Variants in PUS10 observed in about 807,000 individuals in gnomAD.
PUS10 encodes tRNA pseudouridine synthase Pus10.
In PUS10, 59 loss-of-function variants were observed where a neutral mutation model predicts 75.0. That is an observed-to-expected ratio of 0.79 (90% CI 0.64 to 0.98). PUS10 has a LOEUF of 0.98. Ranked by LOEUF, PUS10 falls within the 50% of genes least tolerant of loss-of-function variation. PUS10 has a pLI of 0.00. For synonymous variants in PUS10, 219 were observed against 211.6 expected, an observed-to-expected ratio of 1.03 and a Z score of -0.30; for missense variants, 650 against 614.4, an observed-to-expected ratio of 1.06 and a Z score of -0.61.
At chr2:60,957,005 G>GA (rs1022672706) in intron 11 of PUS10, among the ~76,000 whole-genome samples, 1 of 109,976 alleles carries the variant, frequency 9.1e-6, no homozygotes, top group East Asian at 2.6e-4. Flanking sequence ...AAAAAAGAAA[G>GA]AAAAAAAAAG....
At chr2:61,012,272 T>C (rs538136216) in intron 1 of PUS10, among the ~76,000 whole-genome samples, 120 of 152,300 alleles carry the variant, frequency 7.9e-4, no homozygotes, top group African/African-American at 2.8e-3. Flanking sequence ...CATTCAGTAT[T>C]GTACAAAGTT....
chr2:60,947,825 C>CAT, intron 16 of PUS10, among the ~76,000 whole-genome samples: 1 of 125,770 alleles, frequency 8.0e-6, no homozygotes, highest in Non-Finnish European at 1.6e-5. Context: ...CGAGACTCTG[C>CAT]CTCAAAAAAA....
chr2:60,970,575 A>G (rs1265652233), intron 5 of PUS10, among the ~76,000 whole-genome samples: 1 of 152,216 alleles, frequency 6.6e-6, no homozygotes, highest in Non-Finnish European at 1.5e-5. Flanking sequence ...GACTTTATCA[A>G]ACTTACTATG....
At chr2:60,978,520 G>A (rs1677185936) in intron 4 of PUS10, among the ~76,000 whole-genome samples, 1 of 152,080 alleles carries the variant, frequency 6.6e-6, no homozygotes, top group Admixed American at 6.6e-5. Context: ...AGAGAGCACT[G>A]GGAAGGTTCT....
chr2:60,944,742 G>A (rs11125859), intron 17 of PUS10, among the ~76,000 whole-genome samples: 2 of 151,850 alleles, frequency 1.3e-5, no homozygotes, highest in Admixed American at 6.6e-5. Flanking sequence ...GACTATTTCC[G>A]TGCTTGGTTT....
chr2:60,964,743 T>A (rs1264827681), intron 8 of PUS10, among the ~76,000 whole-genome samples: 1 of 152,154 alleles, frequency 6.6e-6, no homozygotes, highest in Non-Finnish European at 1.5e-5. Flanking sequence ...ATTTGAGGGA[T>A]TAAAATCTAA....
intron 4 of PUS10, among the ~76,000 whole-genome samples, chr2:60,997,376 C>T (rs529122613): frequency 4.0e-4 from 61 of 152,116 alleles, no homozygotes; most frequent in East Asian, 2.1e-3. Flanking sequence ...TTTGAGAGGC[C>T]GAGGTGGGTG....
At chr2:61,010,413 C>G (rs527786105) in intron 2 of PUS10, 7 of 185,326 alleles carry the variant, frequency 3.8e-5, no homozygotes, top group Non-Finnish European at 8.1e-5. Flanking sequence ...CCGCACCCCC[C>G]ACCCCTGGGT....
chr2:60,975,744 C>T (rs1042865883), intron 4 of PUS10, among the ~76,000 whole-genome samples: 1 of 150,466 alleles, frequency 6.6e-6, no homozygotes, highest in Admixed American at 6.6e-5. Flanking sequence ...CTTCCTTCAG[C>T]CTCATTCTTT....
At chr2:61,003,692 G>A (rs1202495123) in intron 4 of PUS10, among the ~76,000 whole-genome samples, 1 of 151,000 alleles carries the variant, frequency 6.6e-6, no homozygotes, top group Non-Finnish European at 1.5e-5. Context: ...CTACAGATAC[G>A]CATCACCACA....
intron 2 of PUS10, chr2:61,011,028 A>T (rs1679563814): frequency 4.1e-6 from 5 of 1,208,020 alleles, no homozygotes; most frequent in Admixed American, 2.6e-5. Flanking sequence ...ATAACATTTT[A>T]AAAATAACTG....
intron 11 of PUS10, among the ~76,000 whole-genome samples, chr2:60,957,633 C>T (rs1459382191): frequency 6.6e-6 from 1 of 152,258 alleles, no homozygotes; most frequent in Non-Finnish European, 1.5e-5. Flanking sequence ...AGATGGCGGG[C>T]ATCCCTAGGC....
Position 60,991,683 on chromosome 2 carries a change from A to C in PUS10, c.468+14874T>G, listed in dbSNP as rs190950699. ...TAATTAGTACTTTTAAGAGTAAAGGAAAAACTGTAAATGCATAACTTCTAA... is the reference window on the plus strand; with the variant it reads ...TAATTAGTACTTTTAAGAGTAAAGGCAAAACTGTAAATGCATAACTTCTAA... On this transcript the variant is annotated intron_variant, in intron 4 of 17. Transcript: ENST00000316752. Among the ~76,000 whole-genome samples the C allele has an allele frequency of 4.6e-5, 7 of 152,324 alleles. No homozygotes were observed. The East Asian group carries it at 1.2e-3, about 25-fold the overall frequency.
chr2:60,953,954 C>T lies in PUS10; in HGVS notation c.1169G>A (p.Arg390His), dbSNP rs775384759. 8.7e-6 allele frequency: 14 copies of T among 1,613,850 alleles called. No homozygotes were observed. In the South Asian group the frequency reaches 8.8e-5, roughly 10 times the overall value. The part of the protein sequence containing the change: ...INNSSNKIQV[R>H]DLQLVTREAI... Reference sequence around the variant, plus strand: ...TTACCTTGTGACAAGCTGCAAGTCACGTACTTGGATTTTGTTAGATGAGTT... The same window carrying T: ...TTACCTTGTGACAAGCTGCAAGTCATGTACTTGGATTTTGTTAGATGAGTT... Residue 390 changes from arginine (R) to histidine (H), a missense_variant, in exon 14 of 18, where the codon CGT becomes CAT. By Grantham distance (29) the Arg-to-His change is conservative. Coordinates refer to ENST00000316752, the MANE Select transcript of PUS10 (RefSeq NM_144709.4).
rs1448317587 is a variant in PUS10 at position 61,007,207 on chromosome 2, A to G, written c.382-564T>C. On this transcript the variant is annotated intron_variant, in intron 3 of 17. Transcript: ENST00000316752. Reference sequence around the variant, plus strand: ...AATTAAAAAGTAATTTGAGAAGAGTAGGCTTTTGTTTTTTTTTTTTTAAAA... The same window carrying G: ...AATTAAAAAGTAATTTGAGAAGAGTGGGCTTTTGTTTTTTTTTTTTTAAAA... Among the ~76,000 whole-genome samples the G allele has an allele frequency of 2.0e-5, 3 of 150,678 alleles. 1 individual carries two copies. Among genetic ancestry groups the G allele is most frequent in the Admixed American group, 2.0e-4 (3 of 15,262 alleles).
intron 1 of PUS10, 40 bp downstream of exon 1, chr2:61,017,968 A>C: frequency 2.3e-6 from 3 of 1,330,664 alleles, no homozygotes; most frequent in South Asian, 2.7e-5. Flanking sequence ...CCAATACCCA[A>C]CCTTGGGGAT....
chr2:60,972,483 G>A (rs1356523877), intron 4 of PUS10, among the ~76,000 whole-genome samples: 1 of 151,106 alleles, frequency 6.6e-6, no homozygotes, highest in Non-Finnish European at 1.5e-5. Context: ...AAAAAAAAAA[G>A]AAAAAAAAGA....
chr2:61,017,240 T>C (rs1680058368), intron 1 of PUS10: 1 of 152,692 alleles, frequency 6.5e-6, no homozygotes, highest in Non-Finnish European at 1.5e-5. Flanking sequence ...AACGCACCTA[T>C]TGCGTCTAGC....
At chr2:60,997,607 C>T (rs888570987) in intron 4 of PUS10, among the ~76,000 whole-genome samples, 1 of 91,880 alleles carries the variant, frequency 1.1e-5, no homozygotes, top group African/African-American at 7.3e-5. Flanking sequence ...AAGACTCCAT[C>T]TCAAAAAAAA....
Sources: allele counts gnomAD v4.1 joint callset (sites outside exome capture counted in the v4.1 genomes callset), GRCh38; gene constraint gnomAD v4.1.1; transcripts MANE v1.5; gene names NCBI Gene and HGNC (gene_info 2026-07-23, HGNC 2026-07-21).